The following GALNTL6 variants were observed in gnomAD, a reference collection of about 807,000 sequenced individuals.
GALNTL6 encodes the protein polypeptide N-acetylgalactosaminyltransferase like 6.
Under a neutral mutation model 73.7 loss-of-function variants are expected in GALNTL6, and 46 were observed. The observed-to-expected ratio is 0.62, with a 90% CI of 0.49 to 0.80. The LOEUF (loss-of-function observed/expected upper bound fraction) is 0.80. Ranked by LOEUF, GALNTL6 falls within the 30% of genes least tolerant of loss-of-function variation. The pLI is 0.00. For synonymous variants in GALNTL6, 259 were observed against 263.7 expected (o/e 0.98, Z 0.17); for missense variants, 604 against 755.0 (o/e 0.80, Z 2.34).
chr4:172,152,402 A>G (rs895254836), intron 2 of GALNTL6, among the ~76,000 whole-genome samples: 1 of 152,194 alleles, frequency 6.6e-6, no homozygotes, highest in Non-Finnish European at 1.5e-5. Context: ...GAGTTTGTAA[A>G]TGTAGACTGA....
chr4:172,487,279 T>TTTCC lies in GALNTL6; in HGVS notation c.553+138593_553+138594insCTTC, dbSNP rs1554029524. Among the ~76,000 whole-genome samples, 30 of 95,720 alleles carry TTTCC rather than the reference T, an allele frequency of 3.1e-4. No homozygotes were observed. The South Asian group carries it at 7.2e-3, about 23-fold the overall frequency. 62.8% of individuals were successfully genotyped at this position (95,720 alleles called of 152,430 possible). A position where few individuals can be genotyped will look rare whatever the true frequency, so the allele number is the denominator to read the frequency against. ...CCTTCCTTCCTTCCTTTCCTCTTTC[T>TTTCC]TTCTTTCCTTCTTTCCTTCTGTCTT... On this transcript the variant is annotated intron_variant, in intron 5 of 12. Transcript: ENST00000506823.
chr4:172,382,517 A>G (rs185981679), intron 5 of GALNTL6, among the ~76,000 whole-genome samples: 1 of 152,162 alleles, frequency 6.6e-6, no homozygotes, highest in African/African-American at 2.4e-5. Context: ...TATCAAATAT[A>G]TAATTTGTAA....
intron 5 of GALNTL6, among the ~76,000 whole-genome samples, chr4:172,639,465 C>T (rs1426866232): frequency 6.6e-6 from 1 of 152,130 alleles, no homozygotes; most frequent in Non-Finnish European, 1.5e-5. Context: ...TTCACCTACT[C>T]TTTGCCTAGA....
chr4:172,391,957 G>A (rs570913503), intron 5 of GALNTL6, among the ~76,000 whole-genome samples: 59 of 152,088 alleles, frequency 3.9e-4, no homozygotes, highest in African/African-American at 1.4e-3. Context: ...CTAAGATAAT[G>A]CTAATCAACT....
chr4:172,417,539 C>T (rs1387884534), intron 5 of GALNTL6, among the ~76,000 whole-genome samples: 1 of 152,056 alleles, frequency 6.6e-6, no homozygotes, highest in Non-Finnish European at 1.5e-5. Context: ...ATTCCAGCTA[C>T]TTGGAAAGCT....
intron 5 of GALNTL6, among the ~76,000 whole-genome samples, chr4:172,650,026 G>A (rs1366187245): frequency 6.6e-6 from 1 of 152,188 alleles, no homozygotes; most frequent in Non-Finnish European, 1.5e-5. Context: ...TTCAGCAGAA[G>A]AAAGCTTATG....
At position 172,846,949 on chromosome 4, in the gene GALNTL6, G is replaced by A. The variant is rs139113915; in HGVS notation, c.923+33226G>A. On this transcript the variant is annotated intron_variant, in intron 7 of 12. Coordinates refer to ENST00000506823, the MANE Select transcript of GALNTL6 (RefSeq NM_001034845.3). ...TTCTTTGTTTCTTTCTCTCGTCCTC[G>A]CTCTCTTTCTCTCTCTTCCTCTCCC... Among the ~76,000 whole-genome samples, 365 of 151,568 alleles carry A rather than the reference G, an allele frequency of 2.4e-3. 2 individuals are homozygous for A. Among genetic ancestry groups the A allele is most frequent in the African/African-American group, 8.6e-3 (355 of 41,282 alleles).
chr4:172,999,088 T>C (rs928752583), intron 10 of GALNTL6, among the ~76,000 whole-genome samples: 3 of 151,864 alleles, frequency 2.0e-5, no homozygotes, highest in Admixed American at 1.3e-4. Context: ...TCATTAGGGC[T>C]GAGGAATGTG....
chr4:172,413,391 G>A (rs1034258526), intron 5 of GALNTL6, among the ~76,000 whole-genome samples: 4 of 152,166 alleles, frequency 2.6e-5, no homozygotes, highest in Admixed American at 1.3e-4. Context: ...CAATTCTAAC[G>A]TAACATAAAA....
At chr4:172,377,977 A>T (rs1445989164) in intron 5 of GALNTL6, among the ~76,000 whole-genome samples, 2 of 151,146 alleles carry the variant, frequency 1.3e-5, no homozygotes, top group East Asian at 3.9e-4. Context: ...CAGCCCAGAG[A>T]GGGGCTTCCA....
chr4:172,300,751 A>G (rs1739881584), intron 3 of GALNTL6, among the ~76,000 whole-genome samples: 2 of 152,102 alleles, frequency 1.3e-5, no homozygotes, highest in South Asian at 4.2e-4. Context: ...TGTTAGTCTG[A>G]TGGGCTTCCC....
intron 5 of GALNTL6, among the ~76,000 whole-genome samples, chr4:172,649,286 A>G (rs546582881): frequency 3.5e-4 from 53 of 152,280 alleles, no homozygotes; most frequent in African/African-American, 1.3e-3. Context: ...AAATTTGTTT[A>G]AAAAACAGGG....
chr4:172,145,170 T>C (rs1733896125), intron 2 of GALNTL6, among the ~76,000 whole-genome samples: 2 of 152,058 alleles, frequency 1.3e-5, no homozygotes, highest in Non-Finnish European at 2.9e-5. Context: ...GATGGAGTCT[T>C]GCTCAGTCAC....
chr4:172,793,920 A>G (rs1448551431), intron 5 of GALNTL6, among the ~76,000 whole-genome samples: 1 of 152,214 alleles, frequency 6.6e-6, no homozygotes. Context: ...ATATATACAT[A>G]CATATGTGCA....
intron 2 of GALNTL6, among the ~76,000 whole-genome samples, chr4:171,886,719 G>T (rs1450458710): frequency 6.6e-6 from 1 of 152,148 alleles, no homozygotes. Context: ...GTTTGTGATG[G>T]TTTATTGGAG....
chr4:172,903,982 A>G (rs1382553658), intron 8 of GALNTL6, among the ~76,000 whole-genome samples: 1 of 152,086 alleles, frequency 6.6e-6, no homozygotes, highest in Non-Finnish European at 1.5e-5. Flanking sequence ...TAACCCTTAG[A>G]TCCCTCCCTG....
intron 5 of GALNTL6, among the ~76,000 whole-genome samples, chr4:172,612,863 T>C (rs1319693990): frequency 1.3e-5 from 2 of 152,120 alleles, no homozygotes; most frequent in Admixed American, 6.6e-5. Context: ...TGCTTAAATA[T>C]TGCAATGAAG....
intron 3 of GALNTL6, among the ~76,000 whole-genome samples, chr4:172,277,068 C>T (rs973433129): frequency 6.6e-6 from 1 of 151,818 alleles, no homozygotes; most frequent in Non-Finnish European, 1.5e-5. Flanking sequence ...TTTTTGACAC[C>T]TCTTTGTCTA....
At chr4:172,115,582 T>C (rs1732964847) in intron 2 of GALNTL6, among the ~76,000 whole-genome samples, 1 of 152,134 alleles carries the variant, frequency 6.6e-6, no homozygotes, top group African/African-American at 2.4e-5. Context: ...AGAAATATGT[T>C]TCCAGGTCTT....
Sources: gnomAD v4.1 joint callset for allele counts (sites outside exome capture counted in the v4.1 genomes callset) on GRCh38, gnomAD v4.1.1 for gene constraint, MANE v1.5 for transcripts, NCBI Gene and HGNC (gene_info 2026-07-23, HGNC 2026-07-21) for gene names.